Variants in TMEM132A observed in about 807,000 individuals in gnomAD.
The protein encoded by TMEM132A is GRP78-binding protein.
Under a neutral mutation model 69.9 loss-of-function variants are expected in TMEM132A, and 48 were observed. The ratio of observed to expected loss-of-function variants is 0.69; its 90% CI spans 0.55 to 0.87. TMEM132A has a LOEUF of 0.87. Ranked by LOEUF, TMEM132A falls within the 40% of genes least tolerant of loss-of-function variation. The probability of loss-of-function intolerance (pLI) is 0.00; values close to 1 mark genes in which losing one functional copy is unlikely to be tolerated. For missense variants in TMEM132A, 1,287 were observed against 1,407.2 expected, an observed-to-expected ratio of 0.91 and a Z score of 1.37; for synonymous variants, 577 against 613.7, an observed-to-expected ratio of 0.94 and a Z score of 0.88.
At chr11:60,928,998 C>T (rs1286011322) in intron 4 of TMEM132A, 38 bp downstream of exon 4, 1 of 1,603,550 alleles carries the variant, frequency 6.2e-7, no homozygotes, top group East Asian at 2.2e-5. Context: ...AGGGTGGGAA[C>T]CTCTGTGGGA....
intron 5 of TMEM132A, 22 bp downstream of exon 5, chr11:60,930,681 A>G: frequency 6.3e-7 from 1 of 1,594,664 alleles, no homozygotes; most frequent in Non-Finnish European, 8.5e-7. Context: ...CCCTCCACCC[A>G]GGGGGCAAAG....
intron 7 of TMEM132A, chr11:60,933,027 A>G (rs1856513979): frequency 6.6e-6 from 1 of 152,518 alleles, no homozygotes; most frequent in Non-Finnish European, 1.5e-5. Context: ...ACCTCAAGGA[A>G]TGGCCCCTAC....
chr11:60,936,337 G>A lies in TMEM132A; in HGVS notation c.2502G>A (p.Glu834=), dbSNP rs776186985. The A allele has an allele frequency of 3.7e-6, 6 of 1,614,168 alleles. No individual in the cohort carries two copies. In the East Asian group the frequency reaches 1.1e-4, roughly 30 times the overall value. The change falls in exon 11 of 11, where the codon GAG becomes GAA. Residue 834 remains glutamate (E), a synonymous_variant. Coordinates refer to ENST00000453848, the MANE Select transcript of TMEM132A (RefSeq NM_178031.3). ...EAREEEEEEE[E]EMVPAPQHVT... is the part of the protein sequence containing the mutation. ...GGGAGGAGGAGGAGGAAGAGGAGGA[G>A]GAGATGGTCCCTGCCCCTCAGCATG... is the stretch of plus-strand genomic sequence containing the variant.
rs115662272 is a variant in TMEM132A at position 60,928,578 on chromosome 11, C to T, written c.535-51C>T. 1,826 of 1,535,706 alleles carry T rather than the reference C, an allele frequency of 1.2e-3. 15 individuals carry two copies. The African/African-American group carries it at 0.021, about 18-fold the overall frequency. On this transcript the variant is annotated intron_variant, in intron 3 of 10. Coordinates refer to ENST00000453848, the MANE Select transcript of TMEM132A (RefSeq NM_178031.3). ...TGCCATGGGTGCTGAGAATCCTGTT[C>T]CTCGCCCTGCACCCACCCCCATGCC...
chr11:60,931,504 C>T (rs768853770), intron 5 of TMEM132A, among the ~76,000 whole-genome samples, 185 bp from the exon 6 acceptor site: 61 of 152,284 alleles, frequency 4.0e-4, no homozygotes, highest in Non-Finnish European at 8.1e-4. Flanking sequence ...GGGTCTAGAG[C>T]GAGGATGCTT....
intron 7 of TMEM132A, chr11:60,932,676 T>A (rs1312342129): frequency 6.6e-6 from 1 of 152,114 alleles, no homozygotes; most frequent in African/African-American, 2.4e-5. Context: ...TGAAGTGAAA[T>A]AAAAGGGAGG....
At position 60,935,889 on chromosome 11, in the gene TMEM132A, C is replaced by T; in HGVS notation, c.2054C>T (p.Ser685Phe). Reference sequence around the variant, plus strand: ...GAGGTGGCCCTCTCCCTATGGCTGTCCTTCTCTGATCACACTGTGGCCCCA... The same window carrying T: ...GAGGTGGCCCTCTCCCTATGGCTGTTCTTCTCTGATCACACTGTGGCCCCA... ...KQEVALSLWL[S>F]FSDHTVAPAE... Residue 685 changes from serine to phenylalanine, a missense_variant, in exon 11 of 11, where the codon TCC (serine) becomes TTC (phenylalanine). By Grantham distance (155) the Ser-to-Phe change is radical. Coordinates refer to ENST00000453848, the MANE Select transcript of TMEM132A (RefSeq NM_178031.3). The surrounding 1 kb of genome is among the most constrained non-coding windows in gnomAD (Gnocchi z 5.0). The T allele has an allele frequency of 6.2e-7, 1 of 1,612,082 alleles. No individual in the cohort carries two copies. Among genetic ancestry groups the T allele is most frequent in the Non-Finnish European group, 8.5e-7 (1 of 1,179,992 alleles).
At position 60,928,887 on chromosome 11, in the gene TMEM132A, G is replaced by C; in HGVS notation, c.793G>C (p.Val265Leu). 6.2e-7 allele frequency: 1 copy of C among 1,612,832 alleles called. No individual in the cohort carries two copies. The highest frequency in any genetic ancestry group is 8.5e-7 in the Non-Finnish European group (1 of 1,180,026). Residue 265 changes from valine (V) to leucine (L), a missense_variant, in exon 4 of 11, where the codon GTG (valine) becomes CTG (leucine). By Grantham distance (32) the Val-to-Leu change is conservative. Transcript: ENST00000453848. ...AVTLRVPDMPVRPGQLFSATL... is the reference protein window; with the variant it reads ...AVTLRVPDMPLRPGQLFSATL... ...GACTCTGCGGGTGCCTGACATGCCAGTGCGGCCCGGCCAGCTCTTTAGTGC... is the reference window on the plus strand; with the variant it reads ...GACTCTGCGGGTGCCTGACATGCCACTGCGGCCCGGCCAGCTCTTTAGTGC...
At position 60,925,135 on chromosome 11, in the gene TMEM132A, C is replaced by G. The variant is rs538876583; in HGVS notation, c.100+402C>G. 7 of 163,704 alleles carry G rather than the reference C, an allele frequency of 4.3e-5. No individual in the cohort carries two copies. In the East Asian group the frequency reaches 1.2e-3, roughly 29 times the overall value. 10.1% of individuals were successfully genotyped at this position (163,704 alleles called of 1,614,324 possible). A position where few individuals can be genotyped will look rare whatever the true frequency, so the allele number is the denominator to read the frequency against. ...CCTTCCGCCGCCACCAACCCACCCC[C>G]CTCGGGAGTGGAAAGCAGCCCCTTT... On this transcript the variant is annotated intron_variant, in intron 1 of 10. Transcript: ENST00000453848.
chr11:60,928,641 GC>G lies in TMEM132A; in HGVS notation c.549del (p.Cys184AlafsTer73). Reference sequence around the variant, plus strand: ...CGTGTCTTCACAGCCATCCCTGGGCGCCTGCGTGGTGGAGCTGGAGCTTCCC... The same window carrying G: ...CGTGTCTTCACAGCCATCCCTGGGCGCTGCGTGGTGGAGCTGGAGCTTCCC... ...QACRFQPSLGACVVELELPSH... is the reference protein window; with the variant it reads ...QACRFQPSLGXCVVELELPSH... On this transcript the variant is annotated frameshift_variant, in exon 4 of 11. Coordinates refer to ENST00000453848, the MANE Select transcript of TMEM132A (RefSeq NM_178031.3). LOFTEE classifies it high-confidence loss of function. 1 of 1,608,628 alleles carries G rather than the reference GC, an allele frequency of 6.2e-7. No homozygotes were observed. Among genetic ancestry groups the G allele is most frequent in the Non-Finnish European group, 8.5e-7 (1 of 1,179,880 alleles).
Position 60,936,910 on chromosome 11 carries a change from C to A in TMEM132A, c.*3C>A. The A allele has an allele frequency of 6.6e-6, 10 of 1,524,512 alleles. No individual in the cohort carries two copies. The highest frequency in any genetic ancestry group is 8.8e-6 in the Non-Finnish European group (10 of 1,135,658). 94.4% of individuals were successfully genotyped at this position (1,524,512 alleles called of 1,614,324 possible). The stretch of plus-strand genomic sequence containing the variant: ...AGAGGATCCGGGGCAGCTCCTGACC[C>A]TCCACAGCCACCTGGTCAGCCACCA... On this transcript the variant is annotated 3_prime_UTR_variant, in exon 11 of 11. Transcript: ENST00000453848.
In TMEM132A at chr11:60,927,427, G is replaced by A. The variant is rs557676655; in HGVS notation, c.315+9G>A. On this transcript the variant is annotated intron_variant, in intron 2 of 10. Coordinates refer to ENST00000453848, the MANE Select transcript of TMEM132A (RefSeq NM_178031.3). ...CTTTTGCCACTCAGCAGGTAAGGAG[G>A]GGGCACCGGGGACTCTCAGGCTAAC... The A allele has an allele frequency of 5.0e-6, 8 of 1,605,454 alleles. No homozygotes were observed. The South Asian group carries it at 6.7e-5, about 13-fold the overall frequency.
At position 60,926,522 on chromosome 11, in the gene TMEM132A, A is replaced by G. The variant is rs371672289; in HGVS notation, c.101-682A>G. ...GTGCTCATAGTTAGAGCAAACCAAT[A>G]TGGCTTAGTGCTCCTTTGTCCTTCT... On this transcript the variant is annotated intron_variant, in intron 1 of 10. Transcript: ENST00000453848. 85 of 153,480 alleles carry G rather than the reference A, an allele frequency of 5.5e-4. 1 individual carries two copies. In the South Asian group the frequency reaches 0.012, roughly 21 times the overall value. The allele number at this position is 153,480 out of a possible 1,614,324, so 9.5% of individuals were successfully genotyped here. A position where few individuals can be genotyped will look rare whatever the true frequency, so the allele number is the denominator to read the frequency against.
intron 2 of TMEM132A, 88 bp downstream of exon 2, chr11:60,927,506 C>T (rs1856372702): frequency 2.7e-5 from 39 of 1,435,786 alleles, no homozygotes; most frequent in East Asian, 4.6e-5. Context: ...TCCCCAGCCC[C>T]GGCTGTGCTC....
rs1371113088 is a variant in TMEM132A, at chr11:60,933,531, C to A, written c.1357-11C>A. On this transcript the variant is annotated splice_polypyrimidine_tract_variant and intron_variant, in intron 7 of 10. Transcript: ENST00000453848. ...GCTTAGCCCGCCCACCTGCCCTCTG[C>A]CCTTCCATAGGTGTCTGAGGCCTGT... 3 of 1,602,362 alleles carry A rather than the reference C, an allele frequency of 1.9e-6. No homozygotes were observed. The South Asian group carries it at 3.3e-5, about 18-fold the overall frequency.
Position 60,935,056 on chromosome 11 carries a change from G to T in TMEM132A, c.1837-196G>T, listed in dbSNP as rs1259769533. On this transcript the variant is annotated intron_variant, in intron 9 of 10. Coordinates refer to ENST00000453848, the MANE Select transcript of TMEM132A (RefSeq NM_178031.3). The surrounding 1 kb of genome is among the most constrained non-coding windows in gnomAD (Gnocchi z 5.0). ...GATTGGGGTCCAGGTATGCACCGGG[G>T]TGCAAAGAGTAGAGGGATAGTAGCC... is the stretch of plus-strand genomic sequence containing the variant. 6.6e-6 allele frequency among the ~76,000 whole-genome samples: 1 copy of T among 152,150 alleles called. No homozygotes were observed. The highest frequency in any genetic ancestry group is 2.4e-5 in the African/African-American group (1 of 41,424).
chr11:60,934,029 A>G (rs781076655), intron 8 of TMEM132A: 78 of 472,274 alleles, frequency 1.7e-4, no homozygotes, highest in Admixed American at 2.4e-4. Flanking sequence ...CATCCTTTCC[A>G]CGCTCCTCCC....
At position 60,924,637 on chromosome 11, in the gene TMEM132A, T is replaced by G; in HGVS notation, c.4T>G (p.Cys2Gly). The change falls in exon 1 of 11, where the codon TGC becomes GGC. Residue 2 changes from cysteine (C) to glycine (G), a missense_variant. Coordinates refer to ENST00000453848, the MANE Select transcript of TMEM132A (RefSeq NM_178031.3). Reference protein sequence around the residue: MCARMAGRTTAA... With the variant: MGARMAGRTTAA... ...GTCCCCGCCTTCTGTGGGAAGGATG[T>G]GCGCGCGGATGGCCGGTCGCACAAC... 1 of 1,592,570 alleles carries G rather than the reference T, an allele frequency of 6.3e-7. No individual in the cohort carries two copies. The highest frequency in any genetic ancestry group is 1.1e-5 in the South Asian group (1 of 90,012).
chr11:60,927,621 C>A lies in TMEM132A; in HGVS notation c.316-20C>A. ...CCTCCCAAGCTCCTCTTTTGTTAAG[C>A]CCTCTCATTCTCCCTCCAGGTGGTC... On this transcript the variant is annotated intron_variant, in intron 2 of 10. Coordinates refer to ENST00000453848, the MANE Select transcript of TMEM132A (RefSeq NM_178031.3). 6.3e-7 allele frequency: 1 copy of A among 1,593,748 alleles called. No homozygotes were observed. Among genetic ancestry groups the A allele is most frequent in the Non-Finnish European group, 8.6e-7 (1 of 1,169,318 alleles).
Sources: allele counts gnomAD v4.1 joint callset (sites outside exome capture counted in the v4.1 genomes callset), GRCh38; gene constraint gnomAD v4.1.1; non-coding constraint Gnocchi (gnomAD v3.1); transcripts MANE v1.5; gene names NCBI Gene and HGNC (gene_info 2026-07-23, HGNC 2026-07-21).